Variants in DLG2 observed in about 807,000 individuals in gnomAD.
The protein encoded by DLG2 is discs large MAGUK scaffold protein 2.
In DLG2, 45 loss-of-function variants were observed where a neutral mutation model predicts 132.5. The ratio of observed to expected loss-of-function variants is 0.34; its 90% CI spans 0.27 to 0.44. DLG2 has a LOEUF of 0.44. Ranked by LOEUF, DLG2 falls within the 20% of genes least tolerant of loss-of-function variation. DLG2 has a pLI of 1.00. For synonymous variants in DLG2, 424 were observed against 419.6 expected (o/e 1.01, Z -0.13); for missense variants, 1,045 against 1,196.9 (o/e 0.87, Z 1.87).
chr11:85,147,235 C>A (rs2152443338), intron 5 of DLG2, among the ~76,000 whole-genome samples: 1 of 152,290 alleles, frequency 6.6e-6, no homozygotes, highest in South Asian at 2.1e-4. Flanking sequence ...GATAGTTATT[C>A]AATTTGGTGT....
At chr11:84,859,901 A>C (rs1490516954) in intron 6 of DLG2, among the ~76,000 whole-genome samples, 1 of 152,120 alleles carries the variant, frequency 6.6e-6, no homozygotes, top group Admixed American at 6.6e-5. Context: ...TTCAAGACTT[A>C]AGTTAAAAGT....
At chr11:85,450,574 C>G (rs2092202730) in intron 3 of DLG2, among the ~76,000 whole-genome samples, 2 of 152,138 alleles carry the variant, frequency 1.3e-5, no homozygotes, top group South Asian at 4.1e-4. Context: ...TGTTGCTACT[C>G]CATCAAGTAA....
intron 7 of DLG2, among the ~76,000 whole-genome samples, chr11:84,375,804 C>A (rs2098726751): frequency 1.3e-5 from 2 of 152,010 alleles, no homozygotes; most frequent in Non-Finnish European, 2.9e-5. Flanking sequence ...TTATGTTACA[C>A]ACATTTATCT....
chr11:84,807,815 C>A (rs909311636), intron 6 of DLG2, among the ~76,000 whole-genome samples: 2 of 152,106 alleles, frequency 1.3e-5, no homozygotes, highest in African/African-American at 4.8e-5. Flanking sequence ...CAGTCCTTTA[C>A]ATGTATGTAC....
intron 7 of DLG2, among the ~76,000 whole-genome samples, chr11:84,410,682 C>T (rs533168094): frequency 4.7e-5 from 7 of 147,916 alleles, no homozygotes; most frequent in East Asian, 2.0e-4. Flanking sequence ...TAGGTTCAAG[C>T]GATTCTTCTA....
chr11:84,160,811 G>T (rs1022430769), intron 9 of DLG2, among the ~76,000 whole-genome samples: 1 of 152,138 alleles, frequency 6.6e-6, no homozygotes, highest in African/African-American at 2.4e-5. Context: ...TTCCTTCATT[G>T]CCATGGGAGA....
At chr11:84,703,925 T>G (rs900079186) in intron 6 of DLG2, among the ~76,000 whole-genome samples, 2 of 147,496 alleles carry the variant, frequency 1.4e-5, no homozygotes, top group African/African-American at 5.0e-5. Flanking sequence ...TGTATTTATA[T>G]ATGTATTTTA....
At chr11:85,230,921 A>G (rs777512240) in intron 4 of DLG2, among the ~76,000 whole-genome samples, 1 of 151,966 alleles carries the variant, frequency 6.6e-6, no homozygotes, top group Non-Finnish European at 1.5e-5. Context: ...TACAGCAAGA[A>G]GACACCATCT....
intron 7 of DLG2, among the ~76,000 whole-genome samples, chr11:84,408,908 A>C (rs1301997608): frequency 6.6e-6 from 1 of 152,138 alleles, no homozygotes; most frequent in Non-Finnish European, 1.5e-5. Context: ...CTCATCTTGC[A>C]TCTACAGTCT....
intron 3 of DLG2, among the ~76,000 whole-genome samples, chr11:85,341,893 AC>A (rs1166600342): frequency 6.6e-6 from 1 of 152,202 alleles, no homozygotes; most frequent in Non-Finnish European, 1.5e-5. Context: ...CAATTATAGA[AC>A]AATTATAAGT....
chr11:85,023,043 A>C (rs1443679844), intron 6 of DLG2, among the ~76,000 whole-genome samples: 1 of 152,078 alleles, frequency 6.6e-6, no homozygotes, highest in Non-Finnish European at 1.5e-5. Context: ...AATTTAAAGA[A>C]AACCAAGAAG....
intron 7 of DLG2, among the ~76,000 whole-genome samples, chr11:84,529,520 T>C (rs2099330174): frequency 6.6e-6 from 1 of 151,954 alleles, no homozygotes. Context: ...GAGAGCAAAA[T>C]CGAGAACTCA....
At chr11:83,633,084 CTT>C in intron 19 of DLG2, 125 bp downstream of exon 19, 1 of 734,160 alleles carries the variant, frequency 1.4e-6, no homozygotes, top group Non-Finnish European at 2.3e-6. Flanking sequence ...AACACAAGGT[CTT>C]TCAGTAGTGT....
At chr11:84,518,536 C>T (rs2099280504) in intron 7 of DLG2, among the ~76,000 whole-genome samples, 1 of 152,116 alleles carries the variant, frequency 6.6e-6, no homozygotes, top group African/African-American at 2.4e-5. Flanking sequence ...ACTTCCTCAT[C>T]AATTCCTCTA....
chr11:83,659,475 T>G (rs2073677291), intron 18 of DLG2, among the ~76,000 whole-genome samples: 1 of 152,220 alleles, frequency 6.6e-6, no homozygotes, highest in Non-Finnish European at 1.5e-5. Context: ...TCAGTCAAAT[T>G]CTGGAAAACT....
At chr11:85,426,096 G>A (rs1018783796) in intron 3 of DLG2, among the ~76,000 whole-genome samples, 183 of 152,322 alleles carry the variant, frequency 1.2e-3, no homozygotes, top group African/African-American at 4.2e-3. Flanking sequence ...AGGGAGGGGC[G>A]CCCGCCATTG....
intron 10 of DLG2, among the ~76,000 whole-genome samples, chr11:84,086,456 T>C (rs748053000): frequency 1.1e-4 from 17 of 151,374 alleles, no homozygotes; most frequent in Non-Finnish European, 4.4e-5. Flanking sequence ...ATTTTAAACA[T>C]TTTCTTTCTT....
At chr11:84,902,775 T>C (rs2091046900) in intron 6 of DLG2, among the ~76,000 whole-genome samples, 1 of 152,146 alleles carries the variant, frequency 6.6e-6, no homozygotes, top group South Asian at 2.1e-4. Flanking sequence ...TGTTATTTTC[T>C]TCTCCAGGTC....
At chr11:85,523,012 A>C (rs2074438264) in intron 3 of DLG2, among the ~76,000 whole-genome samples, 1 of 152,188 alleles carries the variant, frequency 6.6e-6, no homozygotes, top group Non-Finnish European at 1.5e-5. Context: ...ACAGGGGCAG[A>C]ATGATATGGT....
Sources: allele counts gnomAD v4.1 joint callset (sites outside exome capture counted in the v4.1 genomes callset), GRCh38; gene constraint gnomAD v4.1.1; transcripts MANE v1.5; gene names NCBI Gene and HGNC (gene_info 2026-07-23, HGNC 2026-07-21).